The following SOBP variants were observed in gnomAD, a reference collection of about 807,000 sequenced individuals.
The protein encoded by SOBP is sine oculis-binding protein homolog.
SOBP carries 4 observed loss-of-function variants against 53.6 expected under a neutral mutation model. The ratio of observed to expected loss-of-function variants is 0.07; its 90% CI spans 0.04 to 0.17. SOBP has a LOEUF of 0.17. SOBP is among the 10% of genes least tolerant of loss of function. SOBP has a pLI of 1.00. For synonymous variants in SOBP, 584 were observed against 522.6 expected (o/e 1.12, Z -1.60); for missense variants, 1,088 against 1,204.7 (o/e 0.90, Z 1.43).
intron 5 of SOBP, among the ~76,000 whole-genome samples, chr6:107,631,303 A>G (rs1351051483): frequency 6.6e-6 from 1 of 152,208 alleles, no homozygotes; most frequent in Non-Finnish European, 1.5e-5. Context: ...ATGATTAAAG[A>G]AGCTATTTTT....
At chr6:107,513,678 T>A (rs115914314) in intron 3 of SOBP, among the ~76,000 whole-genome samples, 1 of 150,444 alleles carries the variant, frequency 6.6e-6, no homozygotes, top group East Asian at 1.9e-4. Flanking sequence ...TACCTAGAGT[T>A]AATGGGATTT....
At chr6:107,653,452 C>T (rs1771893369) in intron 6 of SOBP, among the ~76,000 whole-genome samples, 1 of 152,214 alleles carries the variant, frequency 6.6e-6, no homozygotes, top group African/African-American at 2.4e-5. Context: ...AAGTGATGGG[C>T]AGACGTGCCC....
intron 1 of SOBP, among the ~76,000 whole-genome samples, chr6:107,492,543 A>G (rs987994687): frequency 2.6e-5 from 4 of 152,194 alleles, no homozygotes; most frequent in African/African-American, 9.6e-5. Flanking sequence ...TTTTGGCTGC[A>G]GGCGCAGTCC....
chr6:107,507,598 T>C (rs1783034458), intron 3 of SOBP, among the ~76,000 whole-genome samples: 1 of 152,090 alleles, frequency 6.6e-6, no homozygotes, highest in East Asian at 1.9e-4. Context: ...GAGCCACCAT[T>C]CCGGGCCCTA....
Position 107,635,104 on chromosome 6 carries a change from C to T in SOBP, c.2260C>T (p.Pro754Ser), listed in dbSNP as rs199834185. The change falls in exon 6 of 7, where the codon CCC becomes TCC. Residue 754 changes from proline to serine, a missense_variant. Transcript: ENST00000317357. The surrounding 1 kb of genome is among the most constrained non-coding windows in gnomAD (Gnocchi z 4.5). ...GCCGCCGCCGCCGCCGCCCGCGCCC[C>T]CCAAGAAGCTGCTGTCGCCTGAGGA... ...QPPPPPPPAPPKKLLSPEEPA... is the reference protein window; with the variant it reads ...QPPPPPPPAPSKKLLSPEEPA... 2.0e-4 allele frequency: 326 copies of T among 1,608,350 alleles called. 3 individuals are homozygous for T. The highest frequency in any genetic ancestry group is 4.2e-5 in the Non-Finnish European group (49 of 1,177,600).
At position 107,506,260 on chromosome 6, in the gene SOBP, C is replaced by G; in HGVS notation, c.254C>G (p.Pro85Arg). 1 of 1,614,050 alleles carries G rather than the reference C, an allele frequency of 6.2e-7. No homozygotes were observed. Among genetic ancestry groups the G allele is most frequent in the South Asian group, 1.1e-5 (1 of 91,074 alleles). ...SVLKENSLPKPKLPEDSVISP... is the reference protein window; with the variant it reads ...SVLKENSLPKRKLPEDSVISP... ...TTTACAGAAAATTCTTTGCCAAAAC[C>G]AAAATTACCCGAGGACAGTGTTATT... is the stretch of plus-strand genomic sequence containing the variant. Residue 85 changes from proline to arginine, a missense_variant, in exon 3 of 7, where the codon CCA (proline) becomes CGA (arginine). Pro to Arg is a moderately radical substitution (Grantham distance 103, BLOSUM62 -2). Coordinates refer to ENST00000317357, the MANE Select transcript of SOBP (RefSeq NM_018013.4).
At chr6:107,607,456 G>A (rs898362618) in intron 5 of SOBP, among the ~76,000 whole-genome samples, 3 of 152,154 alleles carry the variant, frequency 2.0e-5, no homozygotes, top group Non-Finnish European at 2.9e-5. Flanking sequence ...GATGTCAAAC[G>A]CTGGCATTGT....
At chr6:107,584,143 G>A (rs1785493423) in intron 4 of SOBP, among the ~76,000 whole-genome samples, 2 of 151,302 alleles carry the variant, frequency 1.3e-5, no homozygotes, top group South Asian at 2.1e-4. Flanking sequence ...GGCAGTTCTC[G>A]CCCTTCTTTG....
chr6:107,490,334 G>GGCGGCGGCGGCGGCAGCAGGAGCCGGA lies in SOBP; in HGVS notation c.-279_-253dup, dbSNP rs1782542925. On this transcript the variant is annotated 5_prime_UTR_variant, in exon 1 of 7. Coordinates refer to ENST00000317357, the MANE Select transcript of SOBP (RefSeq NM_018013.4). ...CAGCAGCGGCGGCGTTGGCTGCGGC[G>GGCGGCGGCGGCGGCAGCAGGAGCCGGA]GCGGCGGCGGCGGCAGCAGGAGCCG... The GGCGGCGGCGGCGGCAGCAGGAGCCGGA allele has an allele frequency of 6.5e-6, 1 of 154,816 alleles. No homozygotes were observed. The highest frequency in any genetic ancestry group is 6.7e-5 in the Admixed American group (1 of 14,958). The allele number at this position is 154,816 out of a possible 1,614,324, so 9.6% of individuals were successfully genotyped here.
intron 1 of SOBP, among the ~76,000 whole-genome samples, chr6:107,500,670 C>T (rs9486629): frequency 0.88 from 132,926 of 151,120 alleles, 58,592 homozygotes; most frequent in African/African-American, 0.91. Context: ...TACAGGCGCC[C>T]GCCACTACGC....
chr6:107,633,648 G>A lies in SOBP; in HGVS notation c.804G>A (p.Gln268=). 2 of 1,614,224 alleles carry A rather than the reference G, an allele frequency of 1.2e-6. No individual in the cohort carries two copies. The highest frequency in any genetic ancestry group is 1.7e-6 in the Non-Finnish European group (2 of 1,180,038). Residue 268 remains glutamine, a synonymous_variant, in exon 6 of 7, where the codon CAG becomes CAA. Coordinates refer to ENST00000317357, the MANE Select transcript of SOBP (RefSeq NM_018013.4). ...YKMDIFYKET[Q]ANLPAGLCST... is the part of the protein sequence containing the mutation. The stretch of plus-strand genomic sequence containing the variant: ...TGGACATTTTCTACAAAGAGACCCA[G>A]GCCAATCTTCCAGCTGGGCTGTGCA...
At chr6:107,558,904 C>T (rs1042323778) in intron 4 of SOBP, among the ~76,000 whole-genome samples, 5 of 151,926 alleles carry the variant, frequency 3.3e-5, no homozygotes, top group East Asian at 3.9e-4. Flanking sequence ...TTTTTCATAG[C>T]GTATAATACT....
intron 4 of SOBP, among the ~76,000 whole-genome samples, chr6:107,578,005 C>T (rs900621381): frequency 6.9e-6 from 1 of 144,820 alleles, no homozygotes; most frequent in Non-Finnish European, 1.5e-5. Context: ...ACCGGGGAGG[C>T]GAAGCTTGCA....
intron 4 of SOBP, among the ~76,000 whole-genome samples, chr6:107,561,742 A>C (rs563833619): frequency 3.1e-4 from 47 of 152,160 alleles, no homozygotes; most frequent in Non-Finnish European, 6.5e-4. Context: ...TTCCTTAATG[A>C]GTTTCATTAA....
At chr6:107,607,963 A>G (rs1309249721) in intron 5 of SOBP, among the ~76,000 whole-genome samples, 1 of 152,174 alleles carries the variant, frequency 6.6e-6, no homozygotes, top group Non-Finnish European at 1.5e-5. Flanking sequence ...GGGGCTACTC[A>G]AGTGGAAAGG....
intron 3 of SOBP, among the ~76,000 whole-genome samples, chr6:107,524,860 A>G (rs1021940430): frequency 1.3e-5 from 2 of 152,342 alleles, no homozygotes; most frequent in Non-Finnish European, 1.5e-5. Flanking sequence ...AGGCTTCCTC[A>G]GAAGTCCAGT....
At chr6:107,603,157 T>C (rs1047737041) in intron 5 of SOBP, among the ~76,000 whole-genome samples, 4 of 152,224 alleles carry the variant, frequency 2.6e-5, no homozygotes, top group African/African-American at 7.2e-5. Context: ...GCTTTGTTGA[T>C]GTTTTAAACT....
chr6:107,618,616 G>C (rs1786890962), intron 5 of SOBP, among the ~76,000 whole-genome samples: 1 of 152,212 alleles, frequency 6.6e-6, no homozygotes, highest in Admixed American at 6.5e-5. Context: ...TAGCATGACA[G>C]TTAAGGACAG....
chr6:107,528,647 CAA>C (rs1208342552), intron 3 of SOBP, among the ~76,000 whole-genome samples: 1 of 152,214 alleles, frequency 6.6e-6, no homozygotes, highest in East Asian at 1.9e-4. Context: ...GCTGTCTCCT[CAA>C]AGACATTTTG....
Sources: allele counts gnomAD v4.1 joint callset (sites outside exome capture counted in the v4.1 genomes callset), GRCh38; gene constraint gnomAD v4.1.1; non-coding constraint Gnocchi (gnomAD v3.1); transcripts MANE v1.5; gene names NCBI Gene and HGNC (gene_info 2026-07-23, HGNC 2026-07-21).